The following METTL8 variants were observed in gnomAD, a reference collection of about 807,000 sequenced individuals.
The protein encoded by METTL8 is methyltransferase 8, tRNA N3-cytidine.
METTL8 carries 32 observed loss-of-function variants against 48.7 expected under a neutral mutation model. The observed-to-expected ratio is 0.66, with a 90% CI of 0.50 to 0.88. The LOEUF (loss-of-function observed/expected upper bound fraction) is 0.88, where lower values mean the gene tolerates loss of function less well. Among genes scored for constraint, METTL8 ranks in the 40% least tolerant of loss-of-function variants. The pLI, the probability that METTL8 is intolerant of heterozygous loss-of-function variation, is 0.00. For missense variants in METTL8, 464 were observed against 474.4 expected, an observed-to-expected ratio of 0.98 and a Z score of 0.20; for synonymous variants, 136 against 157.1, an observed-to-expected ratio of 0.87 and a Z score of 1.01.
At chr2:171,342,186 C>A (rs1186524407) in intron 3 of METTL8, among the ~76,000 whole-genome samples, 1 of 152,138 alleles carries the variant, frequency 6.6e-6, no homozygotes, top group East Asian at 1.9e-4. Flanking sequence ...ATCTTTATGG[C>A]CTTGTACCGT....
intron 5 of METTL8, chr2:171,332,776 GT>G (rs1685672612): frequency 6.6e-6 from 1 of 152,206 alleles, no homozygotes; most frequent in Non-Finnish European, 1.5e-5. Context: ...TGTCAAGAGG[GT>G]CAGCACCCTG....
chr2:171,389,457 G>T (rs1427729855), intron 2 of METTL8, among the ~76,000 whole-genome samples: 1 of 130,244 alleles, frequency 7.7e-6, no homozygotes, highest in East Asian at 2.5e-4. Flanking sequence ...TGAAGGTTCA[G>T]TGAACCGTGA....
At chr2:171,408,287 AGTTTTTTT>A (rs780009231) in intron 1 of METTL8, among the ~76,000 whole-genome samples, 5,473 of 148,448 alleles carry the variant, frequency 0.037, 310 homozygotes, top group African/African-American at 0.12. Context: ...AGAATTCTAC[AGTTTTTTT>A]GTTTTTTTTT....
chr2:171,401,444 A>G (rs945925888), intron 1 of METTL8, among the ~76,000 whole-genome samples: 1 of 152,164 alleles, frequency 6.6e-6, no homozygotes. Context: ...CAATAATTAC[A>G]GTAAGTATTT....
rs772741350 is a variant in METTL8 at position 171,320,289 on chromosome 2, T to G, written c.*3883A>C. 1.3e-5 allele frequency: 2 copies of G among 152,138 alleles called. No individual in the cohort carries two copies. Among genetic ancestry groups the G allele is most frequent in the African/African-American group, 4.8e-5 (2 of 41,414 alleles). The allele number at this position is 152,138 out of a possible 1,614,324, so 9.4% of individuals were successfully genotyped here. ...GCAGCCATGTGGAATAGGAAGGCTA[T>G]GCTGGACAGAGCCCAAAAGAGACCA... On this transcript the variant is annotated 3_prime_UTR_variant, in exon 10 of 10. Transcript: ENST00000375258.
intron 1 of METTL8, among the ~76,000 whole-genome samples, chr2:171,395,937 T>C (rs527792704): frequency 7.9e-5 from 12 of 152,282 alleles, no homozygotes; most frequent in African/African-American, 2.4e-4. Context: ...TTCACCAAGG[T>C]AGACCATACG....
At chr2:171,430,118 G>A (rs957521324) in intron 1 of METTL8, among the ~76,000 whole-genome samples, 8 of 151,986 alleles carry the variant, frequency 5.3e-5, no homozygotes, top group Non-Finnish European at 1.0e-4. Context: ...AGCACTTTGG[G>A]AGGCCAAAGT....
intron 1 of METTL8, among the ~76,000 whole-genome samples, chr2:171,397,553 C>CAAAAA (rs34936693): frequency 1.9e-5 from 1 of 52,142 alleles, no homozygotes; most frequent in Non-Finnish European, 3.9e-5. Flanking sequence ...AACCCTGCCT[C>CAAAAA]AAAAAAAAAA....
At chr2:171,354,964 C>T (rs963483187) in intron 3 of METTL8, among the ~76,000 whole-genome samples, 4 of 152,218 alleles carry the variant, frequency 2.6e-5, no homozygotes, top group Non-Finnish European at 2.9e-5. Flanking sequence ...CTTCTTCTCT[C>T]AACTTGTCAA....
At chr2:171,407,700 G>A (rs566788269) in intron 1 of METTL8, among the ~76,000 whole-genome samples, 1 of 152,126 alleles carries the variant, frequency 6.6e-6, no homozygotes, top group Admixed American at 6.5e-5. Context: ...TCCAACCAAG[G>A]TCCTATGACA....
intron 3 of METTL8, among the ~76,000 whole-genome samples, chr2:171,349,833 T>C (rs77987833): frequency 0.044 from 6,705 of 152,292 alleles, 216 homozygotes; most frequent in South Asian, 0.14. Context: ...CCTGTCATTG[T>C]CAGGTTTATA....
chr2:171,363,485 C>A (rs977227881), intron 2 of METTL8, among the ~76,000 whole-genome samples: 11 of 151,412 alleles, frequency 7.3e-5, no homozygotes, highest in Admixed American at 3.3e-4. Flanking sequence ...GTAATAAAAA[C>A]CAAAGGAAAA....
chr2:171,354,368 C>T (rs550450901), intron 3 of METTL8, among the ~76,000 whole-genome samples: 29 of 152,308 alleles, frequency 1.9e-4, no homozygotes, highest in South Asian at 1.0e-3. Flanking sequence ...GTAACCTGAC[C>T]TTTCTCTCTG....
rs577604833 is a variant in METTL8 at position 171,330,802 on chromosome 2, A to G, written c.721-104T>C. On this transcript the variant is annotated intron_variant, in intron 6 of 9. Coordinates refer to ENST00000375258, the MANE Select transcript of METTL8 (RefSeq NM_001321154.2). Reference sequence around the variant, plus strand: ...CAAATTTTTAACCTTTTCTCCCAAAAGCCTTTCCTCTGTCAGTCTGAACAC... The same window carrying G: ...CAAATTTTTAACCTTTTCTCCCAAAGGCCTTTCCTCTGTCAGTCTGAACAC... The G allele has an allele frequency of 1.8e-5, 16 of 892,778 alleles. No individual in the cohort carries two copies. The East Asian group carries it at 4.1e-4, about 23-fold the overall frequency. 55.3% of individuals were successfully genotyped at this position (892,778 alleles called of 1,614,324 possible). A position where few individuals can be genotyped will look rare whatever the true frequency, so the allele number is the denominator to read the frequency against.
At chr2:171,380,177 G>T (rs192316650) in intron 2 of METTL8, among the ~76,000 whole-genome samples, 1 of 152,196 alleles carries the variant, frequency 6.6e-6, no homozygotes, top group Admixed American at 6.5e-5. Flanking sequence ...ATGCAGAAAA[G>T]GCCTTCAATA....
Position 171,322,087 on chromosome 2 carries a change from C to T in METTL8, c.*2085G>A, listed in dbSNP as rs1023571372. 6.6e-5 allele frequency: 10 copies of T among 151,580 alleles called. No individual in the cohort carries two copies. Among genetic ancestry groups the T allele is most frequent in the South Asian group, 4.2e-4 (2 of 4,774 alleles). 9.4% of individuals were successfully genotyped at this position (151,580 alleles called of 1,614,324 possible). Reference sequence around the variant, plus strand: ...AAGTGATTCTCCTGCCTCAGCCTCCCGAGTAGCTGGGATTACAGGTGCCCA... The same window carrying T: ...AAGTGATTCTCCTGCCTCAGCCTCCTGAGTAGCTGGGATTACAGGTGCCCA... On this transcript the variant is annotated 3_prime_UTR_variant, in exon 10 of 10. Transcript: ENST00000375258.
intron 6 of METTL8, 53 bp from the exon 7 acceptor site, chr2:171,330,751 A>AT (rs879190669): frequency 0.027 from 30,987 of 1,166,152 alleles, 5 homozygotes; most frequent in South Asian, 0.03. Flanking sequence ...GACTTCCGGG[A>AT]TTTTTTTTTT....
At chr2:171,366,912 G>A (rs1324413681) in intron 2 of METTL8, among the ~76,000 whole-genome samples, 1 of 150,988 alleles carries the variant, frequency 6.6e-6, no homozygotes, top group Non-Finnish European at 1.5e-5. Context: ...AAAAAAACTG[G>A]GAGGGTTAAC....
At chr2:171,405,129 A>C (rs991571169) in intron 1 of METTL8, among the ~76,000 whole-genome samples, 1 of 152,166 alleles carries the variant, frequency 6.6e-6, no homozygotes, top group Non-Finnish European at 1.5e-5. Context: ...GAAGATAATG[A>C]GTTCAATTTG....
Sources: gnomAD v4.1 joint callset for allele counts (sites outside exome capture counted in the v4.1 genomes callset) on GRCh38, gnomAD v4.1.1 for gene constraint, MANE v1.5 for transcripts, NCBI Gene and HGNC (gene_info 2026-07-23, HGNC 2026-07-21) for gene names.